MYO5B: variants seen among roughly 807,000 people sequenced by gnomAD.
MYO5B encodes the protein myosin VB.
In MYO5B, 143 loss-of-function variants were observed where a neutral mutation model predicts 229.3. That is an observed-to-expected ratio of 0.62 (90% confidence interval 0.54 to 0.72). MYO5B has a LOEUF of 0.72. Among genes scored for constraint, MYO5B ranks in the 30% least tolerant of loss-of-function variants. The pLI, the probability that MYO5B is intolerant of heterozygous loss-of-function variation, is 0.00. For missense variants in MYO5B, 2,321 were observed against 2,331.0 expected (o/e 1.00, Z 0.09); for synonymous variants, 918 against 885.2 (o/e 1.04, Z -0.66).
intron 1 of MYO5B, among the ~76,000 whole-genome samples, chr18:50,163,960 G>A (rs908426236): frequency 1.3e-5 from 2 of 151,430 alleles, no homozygotes; most frequent in African/African-American, 4.9e-5. Context: ...CATTAGGTAG[G>A]AATGTAATTC....
intron 1 of MYO5B, among the ~76,000 whole-genome samples, chr18:50,141,246 T>C (rs2032412899): frequency 6.6e-6 from 1 of 152,238 alleles, no homozygotes; most frequent in African/African-American, 2.4e-5. Context: ...CAGGAGTCAC[T>C]GCCCCTTTCC....
At chr18:49,864,006 TGGA>T in intron 28 of MYO5B, 132 bp downstream of exon 28, 1 of 1,352,990 alleles carries the variant, frequency 7.4e-7, no homozygotes, top group Non-Finnish European at 1.0e-6. Flanking sequence ...TCTGCCTTTT[TGGA>T]GGAGACCCCA....
chr18:49,910,647 C>T (rs557679205), intron 18 of MYO5B, among the ~76,000 whole-genome samples: 3 of 151,724 alleles, frequency 2.0e-5, no homozygotes, highest in East Asian at 1.9e-4. Flanking sequence ...TAAAGCTATG[C>T]ATACATTTAC....
Position 50,187,653 on chromosome 18 carries a change from C to A in MYO5B, c.27+7114G>T, listed in dbSNP as rs1390742884. On this transcript the variant is annotated intron_variant, in intron 1 of 39. Transcript: ENST00000285039. ...ACCTCGGCCTCCAGAGTAGCTAGGA[C>A]CACAGGTGCATGCCATCACACCCAG... Among the ~76,000 whole-genome samples, 4 of 152,110 alleles carry A rather than the reference C, an allele frequency of 2.6e-5. No individual in the cohort carries two copies. The East Asian group carries it at 7.7e-4, about 29-fold the overall frequency.
At chr18:49,845,100 A>G (rs1598827202) in intron 33 of MYO5B, among the ~76,000 whole-genome samples, 1 of 152,064 alleles carries the variant, frequency 6.6e-6, no homozygotes, top group Admixed American at 6.5e-5. Context: ...CTCTGTAAAA[A>G]CCCTGGCAAA....
chr18:50,099,898 G>A (rs965947787), intron 1 of MYO5B, among the ~76,000 whole-genome samples: 4 of 152,292 alleles, frequency 2.6e-5, no homozygotes, highest in Middle Eastern at 3.4e-3. Flanking sequence ...ACTAGGGCCC[G>A]TGTGTGCCTG....
intron 1 of MYO5B, among the ~76,000 whole-genome samples, chr18:50,181,308 T>A (rs2033070423): frequency 6.7e-6 from 1 of 149,864 alleles, no homozygotes; most frequent in Non-Finnish European, 1.5e-5. Context: ...CAAATGAGTA[T>A]TTTCCTGACA....
intron 22 of MYO5B, among the ~76,000 whole-genome samples, chr18:49,883,572 C>G (rs2024611511): frequency 6.6e-6 from 1 of 152,164 alleles, no homozygotes; most frequent in African/African-American, 2.4e-5. Flanking sequence ...TCTACAGATT[C>G]AATGTAATCA....
chr18:49,983,223 C>T (rs1181369585), intron 8 of MYO5B, among the ~76,000 whole-genome samples: 1 of 152,190 alleles, frequency 6.6e-6, no homozygotes, highest in African/African-American at 2.4e-5. Flanking sequence ...GTCAAGCTTG[C>T]TCAATAGAGG....
chr18:49,950,054 A>G (rs1473643163), intron 14 of MYO5B, among the ~76,000 whole-genome samples: 1 of 152,206 alleles, frequency 6.6e-6, no homozygotes, highest in African/African-American at 2.4e-5. Flanking sequence ...TTATGGTGAT[A>G]CAGCAACAAT....
rs1598923976 is a variant in MYO5B at position 49,974,721 on chromosome 18, G to A, written c.1057-106C>T. On this transcript the variant is annotated intron_variant, in intron 9 of 39. Coordinates refer to ENST00000285039, the MANE Select transcript of MYO5B (RefSeq NM_001080467.3). ...CAGAGGGAAAACAAGCCAAACTCAA[G>A]GCCTCCCAGCCCTCCAGAATCCCAG... 20 of 1,353,646 alleles carry A rather than the reference G, an allele frequency of 1.5e-5. No homozygotes were observed. The East Asian group carries it at 4.8e-4, about 32-fold the overall frequency. The allele number at this position is 1,353,646 out of a possible 1,614,324, so 83.9% of individuals were successfully genotyped here.
chr18:50,068,345 T>C (rs1174094347), intron 1 of MYO5B, among the ~76,000 whole-genome samples: 2 of 152,236 alleles, frequency 1.3e-5, no homozygotes, highest in East Asian at 1.9e-4. Context: ...CTGTATTCTT[T>C]CCACCACTTA....
intron 5 of MYO5B, among the ~76,000 whole-genome samples, chr18:49,996,015 C>T (rs983079576): frequency 2.6e-5 from 4 of 152,210 alleles, no homozygotes; most frequent in Non-Finnish European, 4.4e-5. Context: ...GTGGAAAATT[C>T]TAAAGGAGAA....
chr18:50,133,938 G>A (rs1351618651), intron 1 of MYO5B, among the ~76,000 whole-genome samples: 1 of 152,196 alleles, frequency 6.6e-6, no homozygotes, highest in Non-Finnish European at 1.5e-5. Context: ...GTGCAGAACA[G>A]TGTGTTTAGC....
At chr18:49,872,353 C>T (rs2024465346) in intron 26 of MYO5B, 121 bp from the exon 27 acceptor site, 4 of 913,728 alleles carry the variant, frequency 4.4e-6, no homozygotes, top group Non-Finnish European at 7.3e-6. Flanking sequence ...CACCCCCACC[C>T]TCCACAAGTC....
chr18:50,025,862 A>T (rs1268587631), intron 4 of MYO5B, among the ~76,000 whole-genome samples: 1 of 152,164 alleles, frequency 6.6e-6, no homozygotes, highest in Non-Finnish European at 1.5e-5. Flanking sequence ...ACTTCCCTAG[A>T]CATTAAACTC....
intron 2 of MYO5B, among the ~76,000 whole-genome samples, chr18:50,046,729 AACAC>A (rs999653314): frequency 1.3e-4 from 20 of 152,204 alleles, no homozygotes; most frequent in Non-Finnish European, 1.9e-4. Context: ...AGCACAAAAA[AACAC>A]AAACAAGATA....
chr18:50,186,171 C>T (rs1229436567), intron 1 of MYO5B, among the ~76,000 whole-genome samples: 2 of 152,188 alleles, frequency 1.3e-5, no homozygotes, highest in East Asian at 1.9e-4. Flanking sequence ...CAGTACTGCA[C>T]GCTTCCAGCT....
intron 30 of MYO5B, among the ~76,000 whole-genome samples, chr18:49,854,554 C>T (rs1016311733): frequency 6.6e-6 from 1 of 152,184 alleles, no homozygotes; most frequent in African/African-American, 2.4e-5. Context: ...CAGCAGGCTT[C>T]ATATGGAAGA....
Sources: allele counts gnomAD v4.1 joint callset (sites outside exome capture counted in the v4.1 genomes callset), GRCh38; gene constraint gnomAD v4.1.1; transcripts MANE v1.5; gene names NCBI Gene and HGNC (gene_info 2026-07-23, HGNC 2026-07-21).